FHAD1: variants seen among roughly 807,000 people sequenced by gnomAD.
The protein encoded by FHAD1 is forkhead associated phosphopeptide binding domain 1.
FHAD1 carries 146 observed loss-of-function variants against 191.3 expected under a neutral mutation model. That is an observed-to-expected ratio of 0.76 (90% CI 0.67 to 0.88). The LOEUF is 0.88. Among genes scored for constraint, FHAD1 ranks in the 40% least tolerant of loss-of-function variants. FHAD1 has a pLI of 0.00. For missense variants in FHAD1, 1,635 were observed against 1,785.8 expected (o/e 0.92, Z 1.52); for synonymous variants, 616 against 672.3 (o/e 0.92, Z 1.29).
chr1:15,301,520 C>A, intron 6 of FHAD1, 79 bp downstream of exon 6: 2 of 1,273,650 alleles, frequency 1.6e-6, no homozygotes, highest in East Asian at 2.5e-5. Flanking sequence ...CAAGGTGAGC[C>A]ACCCAGAGTT....
At chr1:15,349,223 A>G (rs757761789) in intron 19 of FHAD1, 74 bp downstream of exon 19, 317 of 1,165,346 alleles carry the variant, frequency 2.7e-4, no homozygotes, top group Non-Finnish European at 3.6e-4. Flanking sequence ...ACAGTGGGAA[A>G]TCGGGCAGAT....
Position 15,307,066 on chromosome 1 carries a change from G to A in FHAD1, c.916-1547G>A, listed in dbSNP as rs1436611356. 4.6e-5 allele frequency among the ~76,000 whole-genome samples: 7 copies of A among 152,316 alleles called. No homozygotes were observed. The East Asian group carries it at 1.4e-3, about 29-fold the overall frequency. On this transcript the variant is annotated intron_variant, in intron 6 of 33. Transcript: ENST00000688493. ...AGAGGTTGTACCCTGCAAAGCCACA[G>A]GGATGGAGCTGCCCAAGACCATGGG...
At chr1:15,346,831 GCCT>G (rs1689089555) in intron 18 of FHAD1, among the ~76,000 whole-genome samples, 1 of 152,188 alleles carries the variant, frequency 6.6e-6, no homozygotes, top group African/African-American at 2.4e-5. Flanking sequence ...ACCTACCGCT[GCCT>G]CCCTTCTCGA....
intron 5 of FHAD1, among the ~76,000 whole-genome samples, chr1:15,299,199 C>CAAA (rs35299485): frequency 4.7e-4 from 22 of 46,360 alleles, no homozygotes; most frequent in African/African-American, 1.4e-3. Context: ...GACCCTGTCT[C>CAAA]AAAAAAAAAA....
At chr1:15,272,189 GCCT>G (rs1363416711) in intron 2 of FHAD1, 131 bp from the exon 3 acceptor site, 27 of 802,430 alleles carry the variant, frequency 3.4e-5, no homozygotes, top group East Asian at 8.2e-5. Flanking sequence ...CTGATCCTCA[GCCT>G]CCTCCTTTTA....
intron 1 of FHAD1, among the ~76,000 whole-genome samples, chr1:15,250,648 C>G (rs2100758343): frequency 6.6e-6 from 1 of 152,274 alleles, no homozygotes; most frequent in East Asian, 1.9e-4. Flanking sequence ...AGAAAAACAT[C>G]ATCTAATGCC....
chr1:15,340,765 A>G (rs541450206), intron 15 of FHAD1, among the ~76,000 whole-genome samples: 19 of 152,270 alleles, frequency 1.2e-4, no homozygotes, highest in African/African-American at 4.3e-4. Flanking sequence ...AAAGGGCCAG[A>G]TGGTAAATAT....
chr1:15,390,784 T>C (rs1007595833), intron 32 of FHAD1, among the ~76,000 whole-genome samples: 2 of 152,164 alleles, frequency 1.3e-5, no homozygotes, highest in African/African-American at 2.4e-5. Context: ...AGTTCAACCA[T>C]CATGGGCCCC....
At chr1:15,386,344 G>C (rs961947561) in intron 31 of FHAD1, among the ~76,000 whole-genome samples, 1 of 152,204 alleles carries the variant, frequency 6.6e-6, no homozygotes, top group African/African-American at 2.4e-5. Flanking sequence ...ACTTTTTCCC[G>C]GGTCCTCCTA....
intron 14 of FHAD1, among the ~76,000 whole-genome samples, chr1:15,336,621 A>T (rs551929547): frequency 6.6e-6 from 1 of 152,100 alleles, no homozygotes; most frequent in African/African-American, 2.4e-5. Flanking sequence ...TCCTGAAAAA[A>T]ATCATTCTTC....
chr1:15,296,873 G>A, intron 5 of FHAD1, 80 bp downstream of exon 5: 1 of 1,143,282 alleles, frequency 8.7e-7, no homozygotes, highest in South Asian at 1.5e-5. Flanking sequence ...TGTTCTGTGT[G>A]GCCCAGGAGT....
intron 10 of FHAD1, among the ~76,000 whole-genome samples, chr1:15,324,064 G>C (rs1244501617): frequency 2.0e-5 from 3 of 152,166 alleles, no homozygotes; most frequent in Non-Finnish European, 2.9e-5. Context: ...ACGAAGCGCT[G>C]TCACTATTCC....
In FHAD1 at chr1:15,375,175, G is replaced by A. The variant is rs3765365; in HGVS notation, c.3578-428G>A. Among the ~76,000 whole-genome samples, 576 of 152,218 alleles carry A rather than the reference G, an allele frequency of 3.8e-3. 17 individuals are homozygous for A. The East Asian group carries it at 0.068, about 18-fold the overall frequency. On this transcript the variant is annotated intron_variant, in intron 27 of 33. Coordinates refer to ENST00000688493, the MANE Select transcript of FHAD1 (RefSeq NM_001391957.1). ...CCAGCCTACTTTTTCTTATTTCATG[G>A]TGGCTGGGTGAGAACTTTGTCATGG...
chr1:15,392,651 G>A (rs867162719), intron 33 of FHAD1, among the ~76,000 whole-genome samples: 6 of 152,240 alleles, frequency 3.9e-5, no homozygotes, highest in Middle Eastern at 3.4e-3. Context: ...AGGAAGATGC[G>A]ACGTGGAAAA....
chr1:15,322,673 G>A (rs540302814), intron 10 of FHAD1, among the ~76,000 whole-genome samples: 144 of 152,362 alleles, frequency 9.5e-4, no homozygotes, highest in African/African-American at 3.4e-3. Flanking sequence ...ACAGTATGGA[G>A]TTAGAGCACT....
At chr1:15,362,196 CAAGT>C (rs1015977875) in intron 22 of FHAD1, among the ~76,000 whole-genome samples, 1 of 152,140 alleles carries the variant, frequency 6.6e-6, no homozygotes, top group Non-Finnish European at 1.5e-5. Context: ...TGAGGATAAA[CAAGT>C]GAGTGAACAT....
chr1:15,373,271 G>A (rs1289272559), intron 26 of FHAD1, among the ~76,000 whole-genome samples: 2 of 152,108 alleles, frequency 1.3e-5, no homozygotes, highest in African/African-American at 4.8e-5. Context: ...AGCACTTTGG[G>A]AGGCCGAGGG....
rs1327918732 is a variant in FHAD1, at chr1:15,328,796, G to A, written c.1710+367G>A. 14 of 171,966 alleles carry A rather than the reference G, an allele frequency of 8.1e-5. No individual in the cohort carries two copies. The East Asian group carries it at 8.2e-4, about 10-fold the overall frequency. The allele number at this position is 171,966 out of a possible 1,614,324, so 10.7% of individuals were successfully genotyped here. On this transcript the variant is annotated intron_variant, in intron 13 of 33. Transcript: ENST00000688493. ...TTGTTTTGGCCCAGCCACAAAAGGC[G>A]GTTTCCACACCGTTGCTTTTGACTC...
At chr1:15,382,264 G>T in intron 31 of FHAD1, 71 bp downstream of exon 31, 3 of 1,451,046 alleles carry the variant, frequency 2.1e-6, no homozygotes, top group Non-Finnish European at 2.8e-6. Flanking sequence ...GGCCGAGGGT[G>T]GTCCCTGGAG....
Sources: gnomAD v4.1 joint callset for allele counts (sites outside exome capture counted in the v4.1 genomes callset) on GRCh38, gnomAD v4.1.1 for gene constraint, MANE v1.5 for transcripts, NCBI Gene and HGNC (gene_info 2026-07-23, HGNC 2026-07-21) for gene names.